SCN9A: variants seen among roughly 807,000 people sequenced by gnomAD.
SCN9A encodes sodium voltage-gated channel alpha subunit 9, also known as sodium channel protein type 9 subunit alpha.
A neutral mutation model predicts 187.0 loss-of-function variants in SCN9A; 131 were observed. That is an observed-to-expected ratio of 0.70 (90% CI 0.61 to 0.81). SCN9A has a LOEUF of 0.81. Ranked by LOEUF, SCN9A falls within the 30% of genes least tolerant of loss-of-function variation. The pLI is 0.00. For missense variants in SCN9A, 2,252 were observed against 2,396.6 expected (o/e 0.94, Z 1.26); for synonymous variants, 809 against 808.6 (o/e 1.00, Z -0.01).
At chr2:166,367,573 A>G (rs759111100) in intron 1 of SCN9A, among the ~76,000 whole-genome samples, 3 of 151,998 alleles carry the variant, frequency 2.0e-5, no homozygotes. Flanking sequence ...CCCACCCTAG[A>G]CATTTTATAC....
At chr2:166,268,790 C>T (rs1300497973) in intron 17 of SCN9A, among the ~76,000 whole-genome samples, 2 of 151,780 alleles carry the variant, frequency 1.3e-5, no homozygotes, top group East Asian at 1.9e-4. Context: ...TTTGTCTATA[C>T]TTAATATGAC....
rs79684957 is a variant in SCN9A, at chr2:166,344,470, A to C, written c.-51+31227T>G. Among the ~76,000 whole-genome samples the C allele has an allele frequency of 3.9e-3, 601 of 152,302 alleles. 21 individuals are homozygous for C. The East Asian group carries it at 0.079, about 20-fold the overall frequency. On this transcript the variant is annotated intron_variant, in intron 1 of 26. Transcript: ENST00000642356. ...GAAACTAAGGACTTGTAATTTGTAC[A>C]TTCGCTTAGAAAATAGTCCTTCAAG...
At chr2:166,330,592 C>A (rs565010528) in intron 1 of SCN9A, among the ~76,000 whole-genome samples, 1 of 152,168 alleles carries the variant, frequency 6.6e-6, no homozygotes, top group African/African-American at 2.4e-5. Flanking sequence ...CAGTCCCCAA[C>A]CTTCTTGGAA....
At chr2:166,286,950 C>G (rs139636696) in intron 10 of SCN9A, among the ~76,000 whole-genome samples, 2 of 152,014 alleles carry the variant, frequency 1.3e-5, no homozygotes, top group Non-Finnish European at 2.9e-5. Context: ...ATAAACCATG[C>G]AATAAGACAG....
chr2:166,363,775 G>A (rs563336388), intron 1 of SCN9A, among the ~76,000 whole-genome samples: 18 of 152,012 alleles, frequency 1.2e-4, no homozygotes, highest in Admixed American at 5.2e-4. Flanking sequence ...AAAAATCTTC[G>A]AGACATTAGA....
chr2:166,326,502 C>T (rs1699366740), intron 1 of SCN9A, among the ~76,000 whole-genome samples: 1 of 152,170 alleles, frequency 6.6e-6, no homozygotes, highest in Non-Finnish European at 1.5e-5. Flanking sequence ...GGCAGGATGT[C>T]TACAGCATTT....
At chr2:166,272,266 TAA>T in intron 17 of SCN9A, 131 bp downstream of exon 17, 2 of 577,880 alleles carry the variant, frequency 3.5e-6, no homozygotes, top group Non-Finnish European at 5.9e-6. Context: ...AGCTGTTGTG[TAA>T]AGTCACGCAC....
chr2:166,293,398 G>A (rs1176398046), intron 8 of SCN9A, 26 bp from the exon 9 acceptor site: 1 of 1,570,650 alleles, frequency 6.4e-7, no homozygotes, highest in African/African-American at 1.4e-5. Context: ...AACATTATAG[G>A]TGAGAGTGTC....
At chr2:166,324,891 G>A (rs938895999) in intron 1 of SCN9A, among the ~76,000 whole-genome samples, 3 of 152,268 alleles carry the variant, frequency 2.0e-5, no homozygotes, top group African/African-American at 7.2e-5. Flanking sequence ...TAATGTGGTA[G>A]CCTGGGTGAG....
rs374350344 is a variant in SCN9A, at chr2:166,238,420, T to A, written c.3628-153A>T. ...CATTTTTTCTGGTTTACAGTTATCA[T>A]ATAACAGTTAGTTCTAGCCTTCTCA... On this transcript the variant is annotated intron_variant, in intron 19 of 26. Transcript: ENST00000642356. Among the ~76,000 whole-genome samples the A allele has an allele frequency of 6.6e-4, 101 of 152,344 alleles. 1 individual carries two copies. In the South Asian group the frequency reaches 0.017, roughly 25 times the overall value.
chr2:166,349,251 A>C, intron 1 of SCN9A, among the ~76,000 whole-genome samples: 1 of 152,312 alleles, frequency 6.6e-6, no homozygotes, highest in South Asian at 2.1e-4. Flanking sequence ...CCAATGGGGT[A>C]CATAGAAGGT....
chr2:166,322,393 C>A (rs2105248286), intron 1 of SCN9A, among the ~76,000 whole-genome samples: 1 of 152,226 alleles, frequency 6.6e-6, no homozygotes, highest in South Asian at 2.1e-4. Flanking sequence ...TGGCCTTTCC[C>A]ATTACAATTT....
intron 1 of SCN9A, among the ~76,000 whole-genome samples, chr2:166,369,642 C>A (rs941730353): frequency 4.6e-5 from 7 of 152,126 alleles, no homozygotes; most frequent in African/African-American, 1.7e-4. Context: ...AGATCATTTA[C>A]AAAGATTGGT....
chr2:166,290,347 T>C (rs1436289469), intron 9 of SCN9A, among the ~76,000 whole-genome samples: 1 of 152,334 alleles, frequency 6.6e-6, no homozygotes, highest in South Asian at 2.1e-4. Context: ...TTCCATCTCT[T>C]TGCTATTGTA....
At chr2:166,210,176 A>G (rs1002424387) in intron 24 of SCN9A, among the ~76,000 whole-genome samples, 18 of 152,256 alleles carry the variant, frequency 1.2e-4, no homozygotes, top group African/African-American at 3.6e-4. Context: ...ATGAAGCTGG[A>G]AACCATCATT....
chr2:166,241,816 A>G (rs1424806799), intron 19 of SCN9A, among the ~76,000 whole-genome samples: 1 of 152,074 alleles, frequency 6.6e-6, no homozygotes, highest in Non-Finnish European at 1.5e-5. Context: ...CAGTACCTGG[A>G]TCTTATTTAT....
intron 17 of SCN9A, among the ~76,000 whole-genome samples, chr2:166,268,487 C>A (rs968195034): frequency 6.6e-6 from 1 of 151,748 alleles, no homozygotes; most frequent in African/African-American, 2.4e-5. Flanking sequence ...TCTGGGAACT[C>A]AAGTGGGAGA....
rs1281170744 is a variant in SCN9A, at chr2:166,280,542, T to G, written c.2158A>C (p.Lys720Gln). 2 of 1,592,248 alleles carry G rather than the reference T, an allele frequency of 1.3e-6. No homozygotes were observed. The highest frequency in any genetic ancestry group is 1.7e-6 in the Non-Finnish European group (2 of 1,167,444). The change falls in exon 14 of 27, where the codon AAA becomes CAA. Residue 720 changes from lysine (K) to glutamine (Q), a missense_variant. Transcript: ENST00000642356. ...CPPWWYRFAHKFLIWNCSPYW... is the reference protein window; with the variant it reads ...CPPWWYRFAHQFLIWNCSPYW... ...GGAGAGCAATTCCAGATCAAGAATT[T>G]GTGTGCAAATCTGTACCACCAAGGT...
chr2:166,262,802 A>G (rs991195183), intron 17 of SCN9A, among the ~76,000 whole-genome samples: 2 of 151,998 alleles, frequency 1.3e-5, no homozygotes, highest in African/African-American at 2.4e-5. Context: ...TAATGTGTGT[A>G]AAGGGGCTAC....
Sources: gnomAD v4.1 joint callset for allele counts (sites outside exome capture counted in the v4.1 genomes callset) on GRCh38, gnomAD v4.1.1 for gene constraint, MANE v1.5 for transcripts, NCBI Gene and HGNC (gene_info 2026-07-23, HGNC 2026-07-21) for gene names.